Variants in ZDHHC12 observed in about 807,000 individuals in gnomAD.
ZDHHC12 encodes the protein palmitoyltransferase ZDHHC12.
Under a neutral mutation model 33.2 loss-of-function variants are expected in ZDHHC12, and 26 were observed. The ratio of observed to expected loss-of-function variants is 0.78; its 90% confidence interval spans 0.57 to 1.09. The LOEUF is 1.09. Among genes scored for constraint, ZDHHC12 ranks in the 50% least tolerant of loss-of-function variants. The pLI, the probability that ZDHHC12 is intolerant of heterozygous loss-of-function variation, is 0.00. For synonymous variants in ZDHHC12, 154 were observed against 152.1 expected (o/e 1.01, Z -0.09); for missense variants, 350 against 353.0 (o/e 0.99, Z 0.07).
At position 128,721,931 on chromosome 9, in the gene ZDHHC12, C is replaced by T; in HGVS notation, c.315+78G>A. ...GCCTTCTTGGAGGAGGGGCGAGGCC[C>T]AGGCAGTGGGGCAGGAGGAGGTCGA... On this transcript the variant is annotated intron_variant, in intron 3 of 4. Transcript: ENST00000372663. This position sits in a 1 kb window ranked among gnomAD's most constrained non-coding sequence, Gnocchi z 6.9. The T allele has an allele frequency of 1.2e-6, 2 of 1,608,982 alleles. No homozygotes were observed. The highest frequency in any genetic ancestry group is 1.1e-5 in the South Asian group (1 of 90,754).
Position 128,724,054 on chromosome 9 carries a change from G to A in ZDHHC12, c.40C>T (p.Arg14Trp), listed in dbSNP as rs779423483. Residue 14 changes from arginine (R) to tryptophan (W), a missense_variant, in exon 1 of 5, where the codon CGG becomes TGG. Arg to Trp is a moderately radical substitution (Grantham distance 101). Coordinates refer to ENST00000372663, the MANE Select transcript of ZDHHC12 (RefSeq NM_032799.5). Reference protein sequence around the residue: ...WALLSPGVLVRTGHTVLTWGI... With the variant: ...WALLSPGVLVWTGHTVLTWGI... Reference sequence around the variant, plus strand: ...CAGGTCAGCACGGTGTGCCCGGTCCGCACCAGGACCCCAGGGCTGAGGAGC... The same window carrying A: ...CAGGTCAGCACGGTGTGCCCGGTCCACACCAGGACCCCAGGGCTGAGGAGC... 9 of 1,610,244 alleles carry A rather than the reference G, an allele frequency of 5.6e-6. No homozygotes were observed. The highest frequency in any genetic ancestry group is 8.5e-7 in the Non-Finnish European group (1 of 1,177,938).
rs1007988072 is a variant in ZDHHC12 at position 128,722,218 on chromosome 9, G to C, written c.238-132C>G. ...CCATCCCATGCAGAATGGAGGTGTG[G>C]GGTATGGCGGAGCACCCTGGACTGA... is the stretch of plus-strand genomic sequence containing the variant. On this transcript the variant is annotated intron_variant, in intron 2 of 4. Coordinates refer to ENST00000372663, the MANE Select transcript of ZDHHC12 (RefSeq NM_032799.5). This position sits in a 1 kb window ranked among gnomAD's most constrained non-coding sequence, Gnocchi z 4.2. The C allele has an allele frequency of 2.7e-5, 33 of 1,223,706 alleles. No homozygotes were observed. The highest frequency in any genetic ancestry group is 3.6e-5 in the Non-Finnish European group (31 of 858,800). The allele number at this position is 1,223,706 out of a possible 1,614,324, so 75.8% of individuals were successfully genotyped here.
In ZDHHC12 at chr9:128,723,876, T is replaced by G; in HGVS notation, c.100+118A>C. 6.9e-7 allele frequency: 1 copy of G among 1,450,078 alleles called. No homozygotes were observed. The highest frequency in any genetic ancestry group is 9.3e-7 in the Non-Finnish European group (1 of 1,072,614). The allele number at this position is 1,450,078 out of a possible 1,614,324, so 89.8% of individuals were successfully genotyped here. A position where few individuals can be genotyped will look rare whatever the true frequency, so the allele number is the denominator to read the frequency against. ...ATGGGGAGAGGGCTTCAGGAGCTGG[T>G]GGAGATCGGGCCAATCCCAGGATCT... On this transcript the variant is annotated intron_variant, in intron 1 of 4. Coordinates refer to ENST00000372663, the MANE Select transcript of ZDHHC12 (RefSeq NM_032799.5). The surrounding 1 kb of genome is among the most constrained non-coding windows in gnomAD (Gnocchi z 4.4).
Position 128,721,793 on chromosome 9 carries a change from G to C in ZDHHC12, c.340C>G (p.Arg114Gly). 1 of 1,613,230 alleles carries C rather than the reference G, an allele frequency of 6.2e-7. No individual in the cohort carries two copies. The change falls in exon 4 of 5, where the codon CGT becomes GGT. Residue 114 changes from arginine (R) to glycine (G), a missense_variant. By Grantham distance (125) the Arg-to-Gly change is moderately radical (BLOSUM62 -2). Transcript: ENST00000372663. This position sits in a 1 kb window ranked among gnomAD's most constrained non-coding sequence, Gnocchi z 6.9. ...VLQPLRARHC[R>G]ECRRCVRRYD... is the part of the protein sequence containing the mutation. ...CGGCGGACGCAACGGCGGCACTCAC[G>C]GCAGTGCCGAGCCCTCAGGGGCTGC...
At position 128,721,320 on chromosome 9, in the gene ZDHHC12, T is replaced by C. The variant is rs1862542032; in HGVS notation, c.665A>G (p.Tyr222Cys). 1.3e-6 allele frequency: 2 copies of C among 1,593,698 alleles called. No homozygotes were observed. The highest frequency in any genetic ancestry group is 8.5e-7 in the Non-Finnish European group (1 of 1,170,298). ...WEFISSHRIA[Y>C]LRQRPSNPFD... ...GGGGTTGCTGGGGCGCTGGCGGAGA[T>C]AGGCGATGCGGTGTGAGGAGATGAA... The change falls in exon 5 of 5, where the codon TAT becomes TGT. Residue 222 changes from tyrosine to cysteine, a missense_variant. Coordinates refer to ENST00000372663, the MANE Select transcript of ZDHHC12 (RefSeq NM_032799.5). This position sits in a 1 kb window ranked among gnomAD's most constrained non-coding sequence, Gnocchi z 6.9.
Position 128,721,422 on chromosome 9 carries a change from G to A in ZDHHC12, c.563C>T (p.Ser188Phe). Residue 188 changes from serine (S) to phenylalanine (F), a missense_variant, in exon 5 of 5, where the codon TCC (serine) becomes TTC (phenylalanine). Coordinates refer to ENST00000372663, the MANE Select transcript of ZDHHC12 (RefSeq NM_032799.5). This position sits in a 1 kb window ranked among gnomAD's most constrained non-coding sequence, Gnocchi z 6.9. ...CAGGCTGGCCACCAACGAGAAGAGG[G>A]ACAGCAGCAGGAAGGTGGCGAACAG... ...GLLFATFLLL[S>F]LFSLVASLLL... The A allele has an allele frequency of 6.3e-7, 1 of 1,583,530 alleles. No homozygotes were observed. Among genetic ancestry groups the A allele is most frequent in the Non-Finnish European group, 8.6e-7 (1 of 1,165,232 alleles).
rs1164699724 is a variant in ZDHHC12, at chr9:128,723,473, G to C, written c.100+521C>G. On this transcript the variant is annotated intron_variant, in intron 1 of 4. Coordinates refer to ENST00000372663, the MANE Select transcript of ZDHHC12 (RefSeq NM_032799.5). The surrounding 1 kb of genome is among the most constrained non-coding windows in gnomAD (Gnocchi z 4.4). ...TAAGAGGAATGAGGGAAATGGAGGT[G>C]GGTGGGTGGGTGAATCTGTGGGAAG... is the stretch of plus-strand genomic sequence containing the variant. The C allele has an allele frequency of 1.8e-5, 3 of 164,426 alleles. No homozygotes were observed. The highest frequency in any genetic ancestry group is 7.2e-5 in the African/African-American group (3 of 41,700). The allele number at this position is 164,426 out of a possible 1,614,324, so 10.2% of individuals were successfully genotyped here.
At position 128,724,051 on chromosome 9, in the gene ZDHHC12, T is replaced by C; in HGVS notation, c.43A>G (p.Thr15Ala). The C allele has an allele frequency of 6.2e-7, 1 of 1,611,280 alleles. No individual in the cohort carries two copies. Among genetic ancestry groups the C allele is most frequent in the Non-Finnish European group, 8.5e-7 (1 of 1,178,428 alleles). The change falls in exon 1 of 5, where the codon ACC (threonine) becomes GCC (alanine). Residue 15 changes from threonine (T) to alanine (A), a missense_variant. Thr to Ala is a moderately conservative substitution (Grantham distance 58, BLOSUM62 0). Transcript: ENST00000372663. ...ALLSPGVLVR[T>A]GHTVLTWGIT... ...CCCCAGGTCAGCACGGTGTGCCCGG[T>C]CCGCACCAGGACCCCAGGGCTGAGG... is the stretch of plus-strand genomic sequence containing the variant.
rs1334203009 is a variant in ZDHHC12, at chr9:128,721,267, C to T, written c.718G>A (p.Ala240Thr). ...GAGGGCCATCCACAGAAGAAGTGGG[C>T]CAGGTTGCGGGTCAGGCCTCGGTCG... ...PFDRGLTRNLAHFFCGWPSGS... is the reference protein window; with the variant it reads ...PFDRGLTRNLTHFFCGWPSGS... The change falls in exon 5 of 5, where the codon GCC becomes ACC. Residue 240 changes from alanine to threonine, a missense_variant. Physicochemically the swap from Ala to Thr is moderately conservative, Grantham distance 58. Transcript: ENST00000372663. The surrounding 1 kb of genome is among the most constrained non-coding windows in gnomAD (Gnocchi z 6.9). 1 of 1,603,734 alleles carries T rather than the reference C, an allele frequency of 6.2e-7. No individual in the cohort carries two copies. Among genetic ancestry groups the T allele is most frequent in the Non-Finnish European group, 8.5e-7 (1 of 1,175,226 alleles).
Position 128,722,845 on chromosome 9 carries a change from GC to G in ZDHHC12, c.101-272del. 9.1e-7 allele frequency: 1 copy of G among 1,102,964 alleles called. No individual in the cohort carries two copies. Among genetic ancestry groups the G allele is most frequent in the Non-Finnish European group, 1.2e-6 (1 of 831,486 alleles). The allele number at this position is 1,102,964 out of a possible 1,614,324, so 68.3% of individuals were successfully genotyped here. Reference sequence around the variant, plus strand: ...GGGAAGCCTGGGGGCAGAGAATCTGGCCAGGAGGAAGAAGAGAGTCGCTACA... The same window carrying G: ...GGGAAGCCTGGGGGCAGAGAATCTGGCAGGAGGAAGAAGAGAGTCGCTACA... On this transcript the variant is annotated intron_variant, in intron 1 of 4. Transcript: ENST00000372663. This position sits in a 1 kb window ranked among gnomAD's most constrained non-coding sequence, Gnocchi z 4.2.
Position 128,721,937 on chromosome 9 carries a change from G to A in ZDHHC12, c.315+72C>T. 17 of 1,609,068 alleles carry A rather than the reference G, an allele frequency of 1.1e-5. No individual in the cohort carries two copies. The highest frequency in any genetic ancestry group is 1.2e-5 in the Non-Finnish European group (14 of 1,176,412). On this transcript the variant is annotated intron_variant, in intron 3 of 4. Transcript: ENST00000372663. This position sits in a 1 kb window ranked among gnomAD's most constrained non-coding sequence, Gnocchi z 6.9. ...TTGGAGGAGGGGCGAGGCCCAGGCA[G>A]TGGGGCAGGAGGAGGTCGAGGAGTC...
Position 128,722,696 on chromosome 9 carries a change from C to T in ZDHHC12, c.101-122G>A. On this transcript the variant is annotated intron_variant, in intron 1 of 4. Coordinates refer to ENST00000372663, the MANE Select transcript of ZDHHC12 (RefSeq NM_032799.5). The surrounding 1 kb of genome is among the most constrained non-coding windows in gnomAD (Gnocchi z 4.2). The stretch of plus-strand genomic sequence containing the variant: ...GAGCAAAGGCCTGGAGATGTTGGTT[C>T]CATGAGTGGCTGTGTGTGGCCAGCA... The T allele has an allele frequency of 6.1e-6, 9 of 1,478,170 alleles. No homozygotes were observed. Among genetic ancestry groups the T allele is most frequent in the Non-Finnish European group, 8.1e-6 (9 of 1,108,576 alleles). 91.6% of individuals were successfully genotyped at this position (1,478,170 alleles called of 1,614,324 possible).
rs1862527260 is a variant in ZDHHC12 at position 128,721,001 on chromosome 9, T to A, written c.*180A>T. On this transcript the variant is annotated 3_prime_UTR_variant, in exon 5 of 5. Transcript: ENST00000372663. The surrounding 1 kb of genome is among the most constrained non-coding windows in gnomAD (Gnocchi z 6.9). ...CCACCCACAGGTCCTTTTCTTCCCC[T>A]TCTTCCTTGGAAGGCAGAACTGCCC... 9 of 713,588 alleles carry A rather than the reference T, an allele frequency of 1.3e-5. No individual in the cohort carries two copies. The East Asian group carries it at 2.5e-4, about 20-fold the overall frequency. The allele number at this position is 713,588 out of a possible 1,614,324, so 44.2% of individuals were successfully genotyped here.
chr9:128,722,035 G>A lies in ZDHHC12; in HGVS notation c.289C>T (p.Arg97Trp), dbSNP rs118022777. 2.3e-4 allele frequency: 367 copies of A among 1,614,068 alleles called. 2 individuals are homozygous for A. The East Asian group carries it at 6.8e-3, about 30-fold the overall frequency. Residue 97 changes from arginine (R) to tryptophan (W), a missense_variant, in exon 3 of 5, where the codon CGG (arginine) becomes TGG (tryptophan). Transcript: ENST00000372663. This position sits in a 1 kb window ranked among gnomAD's most constrained non-coding sequence, Gnocchi z 4.2. ...AGCACCAGGCAGTATCTGCAGCGCC[G>A]AAGAGGGATGGCTGGAGGAACCATG... The part of the protein sequence containing the change: ...TAMVPPAIPL[R>W]RCRYCLVLQP...
At position 128,722,200 on chromosome 9, in the gene ZDHHC12, A is replaced by C; in HGVS notation, c.238-114T>G. ...GGGTATGGAGTTTGGGACCCATCCCATGCAGAATGGAGGTGTGGGGTATGG... is the reference window on the plus strand; with the variant it reads ...GGGTATGGAGTTTGGGACCCATCCCCTGCAGAATGGAGGTGTGGGGTATGG... On this transcript the variant is annotated intron_variant, in intron 2 of 4. Transcript: ENST00000372663. The surrounding 1 kb of genome is among the most constrained non-coding windows in gnomAD (Gnocchi z 4.2). 2 of 1,343,030 alleles carry C rather than the reference A, an allele frequency of 1.5e-6. No individual in the cohort carries two copies. The allele number at this position is 1,343,030 out of a possible 1,614,324, so 83.2% of individuals were successfully genotyped here.
chr9:128,721,532 T>C lies in ZDHHC12; in HGVS notation c.483-30A>G, dbSNP rs755298744. The C allele has an allele frequency of 1.9e-6, 3 of 1,595,558 alleles. No homozygotes were observed. The highest frequency in any genetic ancestry group is 1.7e-6 in the Non-Finnish European group (2 of 1,169,464). On this transcript the variant is annotated intron_variant, in intron 4 of 4. Transcript: ENST00000372663. This position sits in a 1 kb window ranked among gnomAD's most constrained non-coding sequence, Gnocchi z 6.9. ...GGTGCAGGGGACAGGGGCCTGGTGC[T>C]GGGGGAGGGCAGGGGAGCCCTTCCC...
rs57669322 is a variant in ZDHHC12 at position 128,721,626 on chromosome 9, T to C, written c.482+25A>G. 2.8e-3 allele frequency: 4,471 copies of C among 1,610,072 alleles called. 117 individuals are homozygous for C. In the African/African-American group the frequency reaches 0.052, roughly 19 times the overall value. On this transcript the variant is annotated intron_variant, in intron 4 of 4. Transcript: ENST00000372663. The surrounding 1 kb of genome is among the most constrained non-coding windows in gnomAD (Gnocchi z 6.9). ...GTGGGAGCATTCATCCCACCCTCCC[T>C]CTACACCCGGGCAGCAGCACCCACC...
Position 128,721,212 on chromosome 9 carries a change from T to C in ZDHHC12, c.773A>G (p.Glu258Gly). 6.3e-7 allele frequency: 1 copy of C among 1,598,568 alleles called. No homozygotes were observed. Among genetic ancestry groups the C allele is most frequent in the Non-Finnish European group, 8.5e-7 (1 of 1,173,982 alleles). Residue 258 changes from glutamate (E) to glycine (G), a missense_variant, in exon 5 of 5, where the codon GAG becomes GGG. Physicochemically the swap from Glu to Gly is moderately conservative, Grantham distance 98 (BLOSUM62 -2). Transcript: ENST00000372663. The surrounding 1 kb of genome is among the most constrained non-coding windows in gnomAD (Gnocchi z 6.9). ...AGCTGGGCTGCTGCCCTCTTCCTCC[T>C]CCTCAGCCCAGAGGGTCTCCCAGGA... is the stretch of plus-strand genomic sequence containing the variant. The part of the protein sequence containing the change: ...SGSWETLWAE[E>G]EEEGSSPAV
At position 128,722,607 on chromosome 9, in the gene ZDHHC12, C is replaced by T; in HGVS notation, c.101-33G>A. Reference sequence around the variant, plus strand: ...GGCCGGAGAGCACAGTGAGGCTGGGCCGGGTAGAACAGGAGTGGGTGGGGT... The same window carrying T: ...GGCCGGAGAGCACAGTGAGGCTGGGTCGGGTAGAACAGGAGTGGGTGGGGT... On this transcript the variant is annotated intron_variant, in intron 1 of 4. Coordinates refer to ENST00000372663, the MANE Select transcript of ZDHHC12 (RefSeq NM_032799.5). This position sits in a 1 kb window ranked among gnomAD's most constrained non-coding sequence, Gnocchi z 4.2. 6.3e-7 allele frequency: 1 copy of T among 1,581,904 alleles called. No individual in the cohort carries two copies. Among genetic ancestry groups the T allele is most frequent in the East Asian group, 2.3e-5 (1 of 43,504 alleles).
Sources: gnomAD v4.1 joint callset for allele counts on GRCh38, gnomAD v4.1.1 for gene constraint, Gnocchi (gnomAD v3.1) non-coding constraint, MANE v1.5 for transcripts, NCBI Gene and HGNC (gene_info 2026-07-23, HGNC 2026-07-21) for gene names.